Variants in RAPGEF2 observed in about 807,000 individuals in gnomAD.
RAPGEF2 encodes Rap guanine nucleotide exchange factor 2.
A neutral mutation model predicts 186.7 loss-of-function variants in RAPGEF2; 54 were observed. That is an observed-to-expected ratio of 0.29 (90% CI 0.23 to 0.36). The LOEUF is 0.36. Among genes scored for constraint, RAPGEF2 ranks in the 10% least tolerant of loss-of-function variants. The probability of loss-of-function intolerance (pLI) is 1.00; values close to 1 mark genes in which losing one functional copy is unlikely to be tolerated. For synonymous variants in RAPGEF2, 712 were observed against 705.9 expected, an observed-to-expected ratio of 1.01 and a Z score of -0.14; for missense variants, 1,532 against 2,045.0, an observed-to-expected ratio of 0.75 and a Z score of 4.84.
rs10017618 is a variant in RAPGEF2 at position 159,249,077 on chromosome 4, A to G, written c.543+5286A>G. 7.0e-3 allele frequency among the ~76,000 whole-genome samples: 1,071 copies of G among 152,320 alleles called. 13 individuals carry two copies. The highest frequency in any genetic ancestry group is 0.024 in the African/African-American group (1,014 of 41,570). On this transcript the variant is annotated intron_variant, in intron 7 of 29. Coordinates refer to ENST00000691494, the MANE Select transcript of RAPGEF2 (RefSeq NM_001394067.2). ...ATTTCAAGCGATTTATTTGTCGAAA[A>G]GATCACTGTCACTTTGTCTTGCCTC...
At chr4:159,311,992 CAACTGTGATCTTTT>C (rs1265041882) in intron 8 of RAPGEF2, among the ~76,000 whole-genome samples, 1 of 152,072 alleles carries the variant, frequency 6.6e-6, no homozygotes, top group African/African-American at 2.4e-5. Flanking sequence ...AGATAGCAAG[CAACTGTGATCTTTT>C]AAATAAAGTG....
chr4:159,303,099 G>T (rs954467575), intron 7 of RAPGEF2, among the ~76,000 whole-genome samples: 5 of 152,086 alleles, frequency 3.3e-5, no homozygotes, highest in Admixed American at 2.6e-4. Context: ...TTCACTTAAG[G>T]TAGAGAGGGG....
intron 20 of RAPGEF2, 27 bp downstream of exon 20, chr4:159,341,974 T>C: frequency 6.5e-7 from 1 of 1,540,280 alleles, no homozygotes; most frequent in Non-Finnish European, 8.7e-7. Context: ...TTTCTTAAGA[T>C]TCAGTTCAGT....
At chr4:159,234,365 G>A (rs1216127588) in intron 4 of RAPGEF2, among the ~76,000 whole-genome samples, 2 of 139,432 alleles carry the variant, frequency 1.4e-5, no homozygotes, top group African/African-American at 5.8e-5. Flanking sequence ...GCTTTCAGCT[G>A]GTGTAATAGG....
At chr4:159,134,346 A>G (rs1741459936) in intron 1 of RAPGEF2, among the ~76,000 whole-genome samples, 1 of 152,288 alleles carries the variant, frequency 6.6e-6, no homozygotes, top group South Asian at 2.1e-4. Context: ...ATAGTATTTC[A>G]TTGTATGGAT....
intron 7 of RAPGEF2, among the ~76,000 whole-genome samples, chr4:159,244,490 C>T (rs2111487136): frequency 6.6e-6 from 1 of 151,982 alleles, no homozygotes; most frequent in Admixed American, 6.6e-5. Context: ...GTACTAAGTA[C>T]TAAAATCTAT....
At chr4:159,274,976 G>A (rs983052080) in intron 7 of RAPGEF2, among the ~76,000 whole-genome samples, 4 of 151,600 alleles carry the variant, frequency 2.6e-5, no homozygotes, top group Admixed American at 2.6e-4. Flanking sequence ...TTAATCACTT[G>A]TCACTCTCTG....
chr4:159,270,999 G>A (rs989834297), intron 7 of RAPGEF2, among the ~76,000 whole-genome samples: 2 of 152,144 alleles, frequency 1.3e-5, no homozygotes, highest in Admixed American at 6.5e-5. Context: ...TTTCAGAAAT[G>A]TATTATGAGA....
At chr4:159,115,582 T>C (rs1738957891) in intron 1 of RAPGEF2, among the ~76,000 whole-genome samples, 1 of 152,080 alleles carries the variant, frequency 6.6e-6, no homozygotes, top group Non-Finnish European at 1.5e-5. Context: ...AGCTACTTCA[T>C]GCATTCTTAC....
At chr4:159,267,745 C>G in intron 7 of RAPGEF2, 1 of 1,007,582 alleles carries the variant, frequency 9.9e-7, no homozygotes, top group Non-Finnish European at 1.2e-6. Flanking sequence ...CTGTGTTAAG[C>G]CTTTTTGAGG....
At chr4:159,174,567 T>G (rs751700370) in intron 1 of RAPGEF2, among the ~76,000 whole-genome samples, 3 of 152,328 alleles carry the variant, frequency 2.0e-5, no homozygotes, top group South Asian at 4.1e-4. Flanking sequence ...GTCTCAAGTT[T>G]AGGAATTGTT....
rs1050652478 is a variant in RAPGEF2 at position 159,330,433 on chromosome 4, T to G, written c.1402T>G (p.Ser468Ala). 6.2e-7 allele frequency: 1 copy of G among 1,609,256 alleles called. No homozygotes were observed. Among genetic ancestry groups the G allele is most frequent in the African/African-American group, 1.3e-5 (1 of 74,764 alleles). Reference protein sequence around the residue: ...DFLLTYRTFLSSPMEVGKKLL... With the variant: ...DFLLTYRTFLASPMEVGKKLL... ...TCTGTTGACCTATAGGACTTTTCTT[T>G]CTAGCCCAATGGAAGTGGGCAAAAA... The change falls in exon 13 of 30, where the codon TCT becomes GCT. Residue 468 changes from serine (S) to alanine (A), a missense_variant. Around this residue, in one of 4 missense-constraint regions of RAPGEF2, gnomAD observed 810 missense variants for 1,210.5 expected, o/e 0.67. Coordinates refer to ENST00000691494, the MANE Select transcript of RAPGEF2 (RefSeq NM_001394067.2).
intron 4 of RAPGEF2, among the ~76,000 whole-genome samples, chr4:159,217,841 T>C (rs983863444): frequency 5.3e-5 from 8 of 152,240 alleles, no homozygotes; most frequent in African/African-American, 9.6e-5. Context: ...CGTTTTAATA[T>C]AGCCATTCTG....
At chr4:159,291,811 G>A (rs1288772678) in intron 7 of RAPGEF2, among the ~76,000 whole-genome samples, 1 of 151,190 alleles carries the variant, frequency 6.6e-6, no homozygotes, top group African/African-American at 2.4e-5. Flanking sequence ...TCCTCTTGAT[G>A]TAAGTTGTAA....
intron 1 of RAPGEF2, among the ~76,000 whole-genome samples, chr4:159,112,379 AT>A (rs139607243): frequency 6.6e-4 from 98 of 148,792 alleles, no homozygotes; most frequent in African/African-American, 1.4e-3. Flanking sequence ...TCCTTTTCAT[AT>A]TTTTTTTTTG....
chr4:159,211,904 G>GGTA (rs1206277722), intron 4 of RAPGEF2, among the ~76,000 whole-genome samples: 4 of 151,946 alleles, frequency 2.6e-5, no homozygotes, highest in African/African-American at 4.8e-5. Flanking sequence ...TGGTGGTGGT[G>GGTA]GTAGTAGTAG....
intron 1 of RAPGEF2, among the ~76,000 whole-genome samples, chr4:159,146,262 A>T (rs2111177626): frequency 6.6e-6 from 1 of 152,292 alleles, no homozygotes; most frequent in African/African-American, 2.4e-5. Context: ...GTGGAATGTT[A>T]GTTGGATGTG....
At position 159,355,878 on chromosome 4, in the gene RAPGEF2, G is replaced by GCCGGCCCCC; in HGVS notation, c.4679_4680insGGCCCCCCC (p.Pro1560_Pro1561insAlaProPro). On this transcript the variant is annotated inframe_insertion, in exon 29 of 30. Transcript: ENST00000691494. ...CACGAAAGGAGGGCAGGTATCGAGA[G>GCCGGCCCCC]CCCCCGCCCACCCCTCCCGGCTACA... 6.6e-7 allele frequency: 1 copy of GCCGGCCCCC among 1,515,858 alleles called. No individual in the cohort carries two copies. The allele number at this position is 1,515,858 out of a possible 1,614,324, so 93.9% of individuals were successfully genotyped here. A position where few individuals can be genotyped will look rare whatever the true frequency, so the allele number is the denominator to read the frequency against.
intron 8 of RAPGEF2, among the ~76,000 whole-genome samples, chr4:159,305,106 A>G (rs1763124455): frequency 6.6e-6 from 1 of 152,162 alleles, no homozygotes; most frequent in South Asian, 2.1e-4. Flanking sequence ...TTGATTCTAT[A>G]TCTTTGCTAT....
Sources: allele counts gnomAD v4.1 joint callset (sites outside exome capture counted in the v4.1 genomes callset), GRCh38; gene constraint gnomAD v4.1.1; regional missense constraint gnomAD v4.1.1; transcripts MANE v1.5; gene names NCBI Gene and HGNC (gene_info 2026-07-23, HGNC 2026-07-21).